C14orf132: variants seen among roughly 807,000 people sequenced by gnomAD.
C14orf132 encodes the protein chromosome 14 open reading frame 132, also known as uncharacterized protein C14orf132.
C14orf132 carries 6 observed loss-of-function variants against 5.8 expected under a neutral mutation model. That is an observed-to-expected ratio of 1.03 (90% CI 0.57 to 2.04). The LOEUF (loss-of-function observed/expected upper bound fraction) is 2.04. Among genes scored for constraint, C14orf132 ranks in the 30% most tolerant of loss-of-function variants. The probability of loss-of-function intolerance (pLI) is 0.00; values close to 1 mark genes in which losing one functional copy is unlikely to be tolerated. For synonymous variants in C14orf132, 51 were observed against 49.8 expected (o/e 1.02, Z -0.10); for missense variants, 125 against 115.8 (o/e 1.08, Z -0.37).
chr14:96,049,537 C>T (rs866186052), intron 1 of C14orf132, among the ~76,000 whole-genome samples: 22 of 127,828 alleles, frequency 1.7e-4, no homozygotes, highest in South Asian at 2.4e-4. Flanking sequence ...CACATATATA[C>T]ATACGTATAT....
rs952923233 is a variant in C14orf132 at position 96,039,687 on chromosome 14, C to T, written c.27+160C>T. Among the ~76,000 whole-genome samples, 1 of 152,058 alleles carries T rather than the reference C, an allele frequency of 6.6e-6. No individual in the cohort carries two copies. The highest frequency in any genetic ancestry group is 1.5e-5 in the Non-Finnish European group (1 of 67,980). ...GGACACCCCCACTTGGTGCACGCGT[C>T]GGGGGCGGCGATCGCGGCTCTCCCG... On this transcript the variant is annotated intron_variant, in intron 1 of 1. Transcript: ENST00000555004. This position sits in a 1 kb window ranked among gnomAD's most constrained non-coding sequence, Gnocchi z 5.3.
intron 1 of C14orf132, among the ~76,000 whole-genome samples, chr14:96,055,124 A>G (rs1887140234): frequency 1.3e-5 from 2 of 152,232 alleles, no homozygotes; most frequent in South Asian, 4.1e-4. Context: ...GTCAAAGGGC[A>G]TTATTACTCA....
intron 1 of C14orf132, among the ~76,000 whole-genome samples, chr14:96,080,639 A>G (rs1329414951): frequency 6.6e-6 from 1 of 152,184 alleles, no homozygotes; most frequent in Admixed American, 6.5e-5. Flanking sequence ...TCACCTCCTT[A>G]GTAGGAACAG....
intron 1 of C14orf132, among the ~76,000 whole-genome samples, chr14:96,056,467 A>G (rs926991150): frequency 1.3e-5 from 2 of 152,170 alleles, no homozygotes; most frequent in African/African-American, 4.8e-5. Flanking sequence ...ATAGTGGTCA[A>G]GGGTTTCAGA....
chr14:96,051,889 T>C (rs543852418), intron 1 of C14orf132, among the ~76,000 whole-genome samples: 1 of 152,360 alleles, frequency 6.6e-6, no homozygotes, highest in African/African-American at 2.4e-5. Context: ...ACACATTGCA[T>C]ACAGACCATC....
At chr14:96,086,485 A>T (rs1314003707) in intron 1 of C14orf132, 26 bp from the exon 2 acceptor site, 3 of 1,533,212 alleles carry the variant, frequency 2.0e-6, no homozygotes, top group Non-Finnish European at 2.6e-6. Context: ...ATGGCCCTGG[A>T]TAATTCTCTC....
Position 96,093,140 on chromosome 14 carries a change from T to C in C14orf132, c.*6405T>C, listed in dbSNP as rs1446083080. ...TGCCCTGCGTTCAAATAATGCGAGC[T>C]GAGGACAGTGATCTGCAACTCCCAG... On this transcript the variant is annotated 3_prime_UTR_variant, in exon 2 of 2. Transcript: ENST00000555004. 1 of 152,198 alleles carries C rather than the reference T, an allele frequency of 6.6e-6. No individual in the cohort carries two copies. Among genetic ancestry groups the C allele is most frequent in the Non-Finnish European group, 1.5e-5 (1 of 68,044 alleles). The allele number at this position is 152,198 out of a possible 1,614,324, so 9.4% of individuals were successfully genotyped here.
At chr14:96,082,835 T>G (rs1167002827) in intron 1 of C14orf132, among the ~76,000 whole-genome samples, 1 of 152,228 alleles carries the variant, frequency 6.6e-6, no homozygotes, top group Non-Finnish European at 1.5e-5. Flanking sequence ...TTATACATGA[T>G]CTTATTCACT....
At chr14:96,063,203 G>T (rs1453261031) in intron 1 of C14orf132, among the ~76,000 whole-genome samples, 1 of 152,138 alleles carries the variant, frequency 6.6e-6, no homozygotes, top group Non-Finnish European at 1.5e-5. Flanking sequence ...TGTCCAAGCT[G>T]CCATCCCCTC....
intron 1 of C14orf132, chr14:96,051,063 C>G (rs1595170380): frequency 1.0e-5 from 4 of 397,968 alleles, no homozygotes; most frequent in Non-Finnish European, 8.9e-6. Context: ...GCCAGCATTT[C>G]TCTTTCTCCC....
At chr14:96,065,513 T>C (rs973215318) in intron 1 of C14orf132, among the ~76,000 whole-genome samples, 2 of 152,130 alleles carry the variant, frequency 1.3e-5, no homozygotes, top group Admixed American at 1.3e-4. Context: ...TGGAGAATGA[T>C]GCTCAGTTTC....
intron 1 of C14orf132, among the ~76,000 whole-genome samples, chr14:96,080,411 G>A (rs1887993805): frequency 6.6e-6 from 1 of 152,204 alleles, no homozygotes; most frequent in African/African-American, 2.4e-5. Context: ...AACGGGCTCA[G>A]CCAAGACAGG....
At chr14:96,074,076 G>T (rs1268271419) in intron 1 of C14orf132, among the ~76,000 whole-genome samples, 1 of 152,126 alleles carries the variant, frequency 6.6e-6, no homozygotes, top group Non-Finnish European at 1.5e-5. Flanking sequence ...AATGGAGGCC[G>T]GGCTTAATAC....
Position 96,087,898 on chromosome 14 carries a change from G to A in C14orf132, c.*1163G>A, listed in dbSNP as rs1032739824. 9 of 152,166 alleles carry A rather than the reference G, an allele frequency of 5.9e-5. No individual in the cohort carries two copies. Among genetic ancestry groups the A allele is most frequent in the Admixed American group, 3.9e-4 (6 of 15,264 alleles). The allele number at this position is 152,166 out of a possible 1,614,324, so 9.4% of individuals were successfully genotyped here. On this transcript the variant is annotated 3_prime_UTR_variant, in exon 2 of 2. Transcript: ENST00000555004. ...GCTTCCAAGTAAAAACCAGAGAGAA[G>A]GGCACACTTTTCTTTCTTCATTAGG...
chr14:96,061,790 G>C (rs1432457956), intron 1 of C14orf132, among the ~76,000 whole-genome samples: 1 of 152,022 alleles, frequency 6.6e-6, no homozygotes, highest in Non-Finnish European at 1.5e-5. Flanking sequence ...CATGCCTGTA[G>C]CTTCAGCTAC....
rs142514171 is a variant in C14orf132 at position 96,063,700 on chromosome 14, T to C, written c.28-22811T>C. Among the ~76,000 whole-genome samples, 37 of 152,072 alleles carry C rather than the reference T, an allele frequency of 2.4e-4. 1 individual carries two copies. Among genetic ancestry groups the C allele is most frequent in the African/African-American group, 8.9e-4 (37 of 41,444 alleles). On this transcript the variant is annotated intron_variant, in intron 1 of 1. Transcript: ENST00000555004. ...ACCAAGAACCCAAAAGCAAATGCAA[T>C]AAAAACAAAGATAAATAGCTGGGAC...
rs561179279 is a variant in C14orf132, at chr14:96,049,622, A to G, written c.27+10095A>G. Among the ~76,000 whole-genome samples, 14 of 95,192 alleles carry G rather than the reference A, an allele frequency of 1.5e-4. 1 individual carries two copies. The highest frequency in any genetic ancestry group is 6.5e-4 in the South Asian group (2 of 3,076). The allele number at this position is 95,192 out of a possible 152,430, so 62.4% of individuals were successfully genotyped here. A position where few individuals can be genotyped will look rare whatever the true frequency, so the allele number is the denominator to read the frequency against. ...TACGTATATATATACATATATACGT[A>G]TATATATACATATATACGTATATAT... On this transcript the variant is annotated intron_variant, in intron 1 of 1. Transcript: ENST00000555004.
intron 1 of C14orf132, among the ~76,000 whole-genome samples, chr14:96,063,646 C>T (rs777207115): frequency 1.3e-5 from 2 of 152,072 alleles, no homozygotes; most frequent in Non-Finnish European, 2.9e-5. Context: ...AAGTTACGTC[C>T]CTACATTGGC....
intron 1 of C14orf132, among the ~76,000 whole-genome samples, chr14:96,053,387 G>C (rs1029818783): frequency 6.6e-6 from 1 of 152,236 alleles, no homozygotes; most frequent in Admixed American, 6.5e-5. Context: ...ACCAAGGAGC[G>C]AGGGCACCAC....
Sources: gnomAD v4.1 joint callset for allele counts (sites outside exome capture counted in the v4.1 genomes callset) on GRCh38, gnomAD v4.1.1 for gene constraint, Gnocchi (gnomAD v3.1) non-coding constraint, MANE v1.5 for transcripts, NCBI Gene and HGNC (gene_info 2026-07-23, HGNC 2026-07-21) for gene names.